ANK2: variants seen among roughly 807,000 people sequenced by gnomAD.
ANK2 encodes ankyrin 2, also known as ankyrin-2.
In ANK2, 83 loss-of-function variants were observed where a neutral mutation model predicts 360.5. That is an observed-to-expected ratio of 0.23 (90% CI 0.19 to 0.28). ANK2 has a LOEUF of 0.28. ANK2 is among the 10% of genes least tolerant of loss of function. ANK2 has a pLI of 1.00. For synonymous variants in ANK2, 1,740 were observed against 1,759.5 expected (o/e 0.99, Z 0.28); for missense variants, 4,201 against 4,795.7 (o/e 0.88, Z 3.66).
rs142449287 is a variant in ANK2 at position 113,267,135 on chromosome 4, C to T, written c.1485+2140C>T. 3.2e-3 allele frequency among the ~76,000 whole-genome samples: 486 copies of T among 152,196 alleles called. 3 individuals carry two copies. Among genetic ancestry groups the T allele is most frequent in the African/African-American group, 0.011 (468 of 41,548 alleles). ...TCGTAAATTTGTTTAAGTTCCTTGT[C>T]GATTCTGGATATTAGCCCTTTGTCA... On this transcript the variant is annotated intron_variant, in intron 14 of 45. Coordinates refer to ENST00000357077, the MANE Select transcript of ANK2 (RefSeq NM_001148.6).
chr4:112,981,605 T>A (rs1038802773), intron 2 of ANK2, among the ~76,000 whole-genome samples: 1 of 152,200 alleles, frequency 6.6e-6, no homozygotes, highest in Non-Finnish European at 1.5e-5. Context: ...ACAGGTGTAA[T>A]AAAATCAGAA....
At chr4:112,753,132 G>C in the ANK2 span, among the ~76,000 whole-genome samples, 1 of 152,206 alleles carries the variant, frequency 6.6e-6, no homozygotes, top group Non-Finnish European at 1.5e-5. Flanking sequence ...CCTTCAGAGA[G>C]CACATTGGTG....
Position 113,318,529 on chromosome 4 carries a change from G to A in ANK2, c.2809G>A (p.Ala937Thr), listed in dbSNP as rs2084170115. The change falls in exon 26 of 46, where the codon GCC becomes ACC. Residue 937 changes from alanine to threonine, a missense_variant. Around this residue, in one of 4 missense-constraint regions of ANK2, gnomAD observed 1,268 missense variants for 1,650.8 expected, o/e 0.77. Transcript: ENST00000357077. Reference protein sequence around the residue: ...VIPSHQVSTLAKEAERNSYRL... With the variant: ...VIPSHQVSTLTKEAERNSYRL... Reference sequence around the variant, plus strand: ...TCTTTGTGTTTAGGTGTCAACTCTAGCCAAGGAGGCAGAAAGGAATTCTTA... The same window carrying A: ...TCTTTGTGTTTAGGTGTCAACTCTAACCAAGGAGGCAGAAAGGAATTCTTA... 2.5e-6 allele frequency: 4 copies of A among 1,613,578 alleles called. No individual in the cohort carries two copies. In the East Asian group the frequency reaches 8.9e-5, roughly 36 times the overall value.
At chr4:113,208,151 A>G (rs2098976500) in intron 4 of ANK2, among the ~76,000 whole-genome samples, 1 of 151,342 alleles carries the variant, frequency 6.6e-6, no homozygotes, top group Admixed American at 6.6e-5. Flanking sequence ...GGGTGGAACA[A>G]GCTCAGGATT....
At chr4:113,103,028 C>T (rs897571458) in intron 1 of ANK2, among the ~76,000 whole-genome samples, 11 of 152,226 alleles carry the variant, frequency 7.2e-5, no homozygotes, top group African/African-American at 2.6e-4. Context: ...CACAGAATTG[C>T]TTTTCCTCCT....
rs2154052932 is a variant in ANK2, at chr4:113,365,080, G to T, written c.10930G>T (p.Asp3644Tyr). The change falls in exon 41 of 46, where the codon GAT becomes TAT. Residue 3644 changes from aspartate to tyrosine, a missense_variant. By Grantham distance (160) the Asp-to-Tyr change is radical. Around this residue, in one of 4 missense-constraint regions of ANK2, gnomAD observed 2,642 missense variants for 2,714.5 expected, o/e 0.97. Transcript: ENST00000357077. ...VECLTKINRMDIVHLMETNTE... is the reference protein window; with the variant it reads ...VECLTKINRMYIVHLMETNTE... Reference sequence around the variant, plus strand: ...ATGTCTCACCAAGATCAACCGAATGGATATTGTTCATCTCATGGAGACCAA... The same window carrying T: ...ATGTCTCACCAAGATCAACCGAATGTATATTGTTCATCTCATGGAGACCAA... The T allele has an allele frequency of 6.2e-7, 1 of 1,613,878 alleles. No homozygotes were observed. The highest frequency in any genetic ancestry group is 1.3e-5 in the African/African-American group (1 of 74,988).
chr4:113,299,352 A>T (rs1436096020), intron 22 of ANK2, among the ~76,000 whole-genome samples: 1 of 152,226 alleles, frequency 6.6e-6, no homozygotes, highest in Non-Finnish European at 1.5e-5. Context: ...TGCAAAAATT[A>T]ACTTTCTAAT....
the ANK2 span, among the ~76,000 whole-genome samples, chr4:112,726,610 G>A: frequency 2.6e-5 from 4 of 151,866 alleles, no homozygotes; most frequent in Non-Finnish European, 4.4e-5. Context: ...CTCTTATTGC[G>A]GGAGGCCGAG....
intron 2 of ANK2, among the ~76,000 whole-genome samples, chr4:113,044,479 C>G (rs2063774275): frequency 1.3e-5 from 2 of 152,188 alleles, no homozygotes; most frequent in Admixed American, 6.5e-5. Flanking sequence ...GAAAATATAA[C>G]TGTACTAGTT....
At chr4:112,869,068 C>T (rs1363569927) in intron 1 of ANK2, among the ~76,000 whole-genome samples, 1 of 151,960 alleles carries the variant, frequency 6.6e-6, no homozygotes, top group African/African-American at 2.4e-5. Flanking sequence ...TCAAGCAACC[C>T]TCCCGCTTAG....
chr4:112,820,794 C>T (rs1444340925), intron 1 of ANK2, among the ~76,000 whole-genome samples: 4 of 152,106 alleles, frequency 2.6e-5, no homozygotes, highest in Non-Finnish European at 4.4e-5. Context: ...GGCTGGAGTG[C>T]AGGGGCATGA....
intron 41 of ANK2, among the ~76,000 whole-genome samples, chr4:113,365,463 A>G (rs1241890177): frequency 6.6e-6 from 1 of 151,588 alleles, no homozygotes; most frequent in African/African-American, 2.4e-5. Context: ...CACTTCTTAC[A>G]CTTGTATTTT....
At chr4:112,743,734 G>A in the ANK2 span, among the ~76,000 whole-genome samples, 4 of 151,484 alleles carry the variant, frequency 2.6e-5, no homozygotes, top group South Asian at 8.4e-4. Context: ...TAGTAGAAAC[G>A]GGGTTTCACC....
rs551040309 is a variant in ANK2, at chr4:113,074,698, A to G, written c.84+24886A>G. 2.6e-5 allele frequency among the ~76,000 whole-genome samples: 4 copies of G among 152,308 alleles called. No homozygotes were observed. In the East Asian group the frequency reaches 5.8e-4, roughly 22 times the overall value. On this transcript the variant is annotated intron_variant, in intron 1 of 45. Coordinates refer to ENST00000357077, the MANE Select transcript of ANK2 (RefSeq NM_001148.6). ...GATCGGCAGAGATAGGTATCCAGGT[A>G]GAGGATCAAAGACTAGGATGAGAAA... is the stretch of plus-strand genomic sequence containing the variant.
At chr4:113,105,419 C>G (rs2093490373) in intron 1 of ANK2, among the ~76,000 whole-genome samples, 1 of 152,070 alleles carries the variant, frequency 6.6e-6, no homozygotes, top group South Asian at 2.1e-4. Context: ...AGAGGCCAGA[C>G]AGGTAACAAG....
At chr4:113,014,831 A>G (rs17618891) in intron 2 of ANK2, among the ~76,000 whole-genome samples, 4,735 of 138,226 alleles carry the variant, frequency 0.034, 124 homozygotes, top group Admixed American at 0.093. Context: ...TTGTCTGTAT[A>G]GATGTGGATC....
chr4:113,042,192 G>A (rs1046443425), intron 2 of ANK2, among the ~76,000 whole-genome samples: 1 of 152,148 alleles, frequency 6.6e-6, no homozygotes, highest in Admixed American at 6.6e-5. Context: ...GCCTTCTTCA[G>A]TTGGCACATC....
chr4:113,124,596 T>C (rs1315611785), intron 1 of ANK2, among the ~76,000 whole-genome samples: 1 of 152,204 alleles, frequency 6.6e-6, no homozygotes, highest in Non-Finnish European at 1.5e-5. Flanking sequence ...AAGGGATTCC[T>C]TACTCAGTTG....
chr4:113,304,477 T>C (rs1487680996), intron 23 of ANK2, among the ~76,000 whole-genome samples: 1 of 152,206 alleles, frequency 6.6e-6, no homozygotes, highest in Non-Finnish European at 1.5e-5. Flanking sequence ...AAGTCATGAA[T>C]TGTTTGTACT....
Sources: allele counts gnomAD v4.1 joint callset (sites outside exome capture counted in the v4.1 genomes callset), GRCh38; gene constraint gnomAD v4.1.1; regional missense constraint gnomAD v4.1.1; transcripts MANE v1.5; gene names NCBI Gene and HGNC (gene_info 2026-07-23, HGNC 2026-07-21).